PCDH7: variants seen among roughly 807,000 people sequenced by gnomAD.
PCDH7 encodes the protein protocadherin 7, also known as protocadherin-7.
Under a neutral mutation model 58.9 loss-of-function variants are expected in PCDH7, and 17 were observed. The observed-to-expected ratio is 0.29, with a 90% CI of 0.20 to 0.43. The LOEUF is 0.43. PCDH7 is among the 20% of genes least tolerant of loss of function. The pLI is 1.00. For missense variants in PCDH7, 1,274 were observed against 1,441.0 expected, an observed-to-expected ratio of 0.88 and a Z score of 1.88; for synonymous variants, 664 against 616.4, an observed-to-expected ratio of 1.08 and a Z score of -1.14.
chr4:30,849,411 C>T (rs1232428395), intron 1 of PCDH7, among the ~76,000 whole-genome samples: 1 of 152,208 alleles, frequency 6.6e-6, no homozygotes, highest in East Asian at 1.9e-4. Flanking sequence ...AGGGCCTTTG[C>T]CCATTTCGTG....
At chr4:31,097,845 A>G (rs1442835622) in intron 3 of PCDH7, among the ~76,000 whole-genome samples, 2 of 151,704 alleles carry the variant, frequency 1.3e-5, no homozygotes, top group African/African-American at 4.8e-5. Context: ...TATCTTAATT[A>G]TGAGACTCTT....
chr4:30,957,394 G>T (rs897986848), intron 3 of PCDH7, among the ~76,000 whole-genome samples: 23 of 152,164 alleles, frequency 1.5e-4, no homozygotes, highest in African/African-American at 5.5e-4. Context: ...GGTCTTAGCT[G>T]AGTATAATAG....
intron 1 of PCDH7, among the ~76,000 whole-genome samples, chr4:30,834,689 T>C (rs978667140): frequency 6.6e-6 from 1 of 151,952 alleles, no homozygotes; most frequent in Non-Finnish European, 1.5e-5. Flanking sequence ...CCTGAGTCTC[T>C]TCCAAGACAT....
chr4:30,964,250 AT>A (rs61539074), intron 3 of PCDH7, among the ~76,000 whole-genome samples: 30,340 of 106,670 alleles, frequency 0.28, 3,684 homozygotes, highest in Admixed American at 0.33. Context: ...TTATTTATTT[AT>A]TTTTTTTTGA....
intron 1 of PCDH7, chr4:30,884,607 G>A (rs1737449678): frequency 6.6e-6 from 1 of 152,130 alleles, no homozygotes; most frequent in Admixed American, 6.6e-5. Context: ...ATTCAGAATA[G>A]GCATTGACTT....
intron 1 of PCDH7, among the ~76,000 whole-genome samples, chr4:30,908,628 T>G (rs1741311034): frequency 6.6e-6 from 1 of 152,156 alleles, no homozygotes; most frequent in African/African-American, 2.4e-5. Context: ...GTTCTGAAAT[T>G]GAGGCAGTAA....
chr4:30,925,261 C>G (rs1374728857), intron 2 of PCDH7, among the ~76,000 whole-genome samples: 5 of 152,102 alleles, frequency 3.3e-5, no homozygotes, highest in Non-Finnish European at 2.9e-5. Flanking sequence ...TTTTAAATGG[C>G]CAAGTGTAAT....
At chr4:30,756,385 G>A (rs1719309190) in intron 1 of PCDH7, among the ~76,000 whole-genome samples, 1 of 152,028 alleles carries the variant, frequency 6.6e-6, no homozygotes, top group African/African-American at 2.4e-5. Flanking sequence ...AACCAACTAT[G>A]TCCAAATGAT....
chr4:30,744,778 C>T (rs1052886244), intron 1 of PCDH7, among the ~76,000 whole-genome samples: 5 of 152,232 alleles, frequency 3.3e-5, no homozygotes, highest in African/African-American at 1.2e-4. Flanking sequence ...TTTTTCTTCA[C>T]ATTCCTCCTT....
chr4:30,897,749 T>A (rs1383993309), intron 1 of PCDH7, among the ~76,000 whole-genome samples: 1 of 152,198 alleles, frequency 6.6e-6, no homozygotes, highest in Non-Finnish European at 1.5e-5. Context: ...TTGAAATAAA[T>A]TATACAGGTT....
In PCDH7 at chr4:31,018,461, A is replaced by G. The variant is rs112113506; in HGVS notation, c.*7+68246A>G. Among the ~76,000 whole-genome samples, 47 of 152,268 alleles carry G rather than the reference A, an allele frequency of 3.1e-4. 1 individual carries two copies. The highest frequency in any genetic ancestry group is 5.4e-4 in the Non-Finnish European group (37 of 68,006). Reference sequence around the variant, plus strand: ...TTACCTGGCATGTACCTGTCTCTATATCAACATCTTTCAATTCAGGACCTA... The same window carrying G: ...TTACCTGGCATGTACCTGTCTCTATGTCAACATCTTTCAATTCAGGACCTA... On this transcript the variant is annotated intron_variant, in intron 3 of 3. Transcript: ENST00000509759.
chr4:30,894,776 AC>A (rs1016489065), intron 1 of PCDH7, among the ~76,000 whole-genome samples: 23 of 150,474 alleles, frequency 1.5e-4, no homozygotes, highest in African/African-American at 5.4e-4. Context: ...AAGATCAGGA[AC>A]CTGATTTTAC....
At chr4:31,028,275 C>T (rs865887638) in intron 3 of PCDH7, among the ~76,000 whole-genome samples, 2 of 152,030 alleles carry the variant, frequency 1.3e-5, no homozygotes, top group South Asian at 4.1e-4. Flanking sequence ...TTTAAAATCC[C>T]TGGGTTTTTT....
intron 2 of PCDH7, among the ~76,000 whole-genome samples, chr4:30,946,297 G>A (rs572683299): frequency 6.6e-6 from 1 of 151,972 alleles, no homozygotes; most frequent in Admixed American, 6.6e-5. Context: ...AGAGAACAGG[G>A]GTCCCACTGC....
intron 1 of PCDH7, among the ~76,000 whole-genome samples, chr4:30,794,755 G>T (rs1724573704): frequency 6.6e-6 from 1 of 151,770 alleles, no homozygotes; most frequent in Admixed American, 6.6e-5. Flanking sequence ...ACAATCGATT[G>T]AAAGTTCTAT....
At chr4:30,852,921 G>T (rs187558609) in intron 1 of PCDH7, among the ~76,000 whole-genome samples, 1 of 151,368 alleles carries the variant, frequency 6.6e-6, no homozygotes, top group African/African-American at 2.4e-5. Context: ...TGTGCTCCCA[G>T]TGTTTATCGG....
chr4:30,728,755 G>C (rs1715015243), intron 1 of PCDH7, among the ~76,000 whole-genome samples: 1 of 150,996 alleles, frequency 6.6e-6, no homozygotes, highest in Admixed American at 6.6e-5. Context: ...GAGCCATCTA[G>C]TACAATAAAT....
intron 1 of PCDH7, among the ~76,000 whole-genome samples, chr4:30,746,694 TG>T (rs1261432566): frequency 2.0e-5 from 3 of 152,206 alleles, no homozygotes; most frequent in African/African-American, 7.2e-5. Context: ...TAAATATTAG[TG>T]GTCTAATATG....
intron 3 of PCDH7, among the ~76,000 whole-genome samples, chr4:31,133,703 C>T (rs1237121492): frequency 1.3e-5 from 2 of 152,152 alleles, no homozygotes. Context: ...GCAGTCCTCG[C>T]ACATTTTTCT....
Sources: allele counts gnomAD v4.1 joint callset (sites outside exome capture counted in the v4.1 genomes callset), GRCh38; gene constraint gnomAD v4.1.1; transcripts MANE v1.5; gene names NCBI Gene and HGNC (gene_info 2026-07-23, HGNC 2026-07-21).